NUFIP1: variants seen among roughly 807,000 people sequenced by gnomAD.
NUFIP1 encodes FMR1-interacting protein NUFIP1.
NUFIP1 carries 38 observed loss-of-function variants against 56.2 expected under a neutral mutation model. The ratio of observed to expected loss-of-function variants is 0.68; its 90% confidence interval spans 0.52 to 0.89. NUFIP1 has a LOEUF of 0.89. Among genes scored for constraint, NUFIP1 ranks in the 40% least tolerant of loss-of-function variants. The pLI, the probability that NUFIP1 is intolerant of heterozygous loss-of-function variation, is 0.00. For synonymous variants in NUFIP1, 215 were observed against 212.4 expected, an observed-to-expected ratio of 1.01 and a Z score of -0.10; for missense variants, 567 against 605.8, an observed-to-expected ratio of 0.94 and a Z score of 0.67.
intron 7 of NUFIP1, among the ~76,000 whole-genome samples, 178 bp from the exon 8 acceptor site, chr13:44,950,016 C>A (rs1871037617): frequency 6.6e-6 from 1 of 152,084 alleles, no homozygotes; most frequent in Non-Finnish European, 1.5e-5. Context: ...CTTCATGGGC[C>A]AAGAAACCAT....
chr13:44,974,974 G>A (rs1871921256), intron 5 of NUFIP1, among the ~76,000 whole-genome samples: 3 of 152,174 alleles, frequency 2.0e-5, no homozygotes, highest in Admixed American at 2.0e-4. Context: ...CCCTGTGTAT[G>A]TCTCAACATC....
At chr13:44,946,180 T>C (rs935759059) in intron 8 of NUFIP1, among the ~76,000 whole-genome samples, 51 of 152,168 alleles carry the variant, frequency 3.4e-4, no homozygotes, top group African/African-American at 1.1e-3. Context: ...GAGCTTATAA[T>C]TGTCAATTTT....
chr13:44,971,788 G>A (rs1007074284), intron 5 of NUFIP1, among the ~76,000 whole-genome samples: 1 of 152,164 alleles, frequency 6.6e-6, no homozygotes, highest in African/African-American at 2.4e-5. Context: ...CTATTCTGTG[G>A]CTTAATATTT....
intron 3 of NUFIP1, 114 bp from the exon 4 acceptor site, chr13:44,980,066 G>A: frequency 1.4e-6 from 1 of 698,148 alleles, no homozygotes; most frequent in Non-Finnish European, 2.3e-6. Flanking sequence ...TATCCCATCT[G>A]TATAGTATTA....
intron 2 of NUFIP1, among the ~76,000 whole-genome samples, 200 bp downstream of exon 2, chr13:44,981,872 G>T (rs1183959230): frequency 6.6e-6 from 1 of 151,424 alleles, no homozygotes; most frequent in East Asian, 1.9e-4. Flanking sequence ...CCACAGAAAA[G>T]AAACAAAAAT....
intron 1 of NUFIP1, among the ~76,000 whole-genome samples, chr13:44,984,718 T>A (rs1872321243): frequency 6.6e-6 from 1 of 152,142 alleles, no homozygotes; most frequent in African/African-American, 2.4e-5. Flanking sequence ...AATTTTTTTT[T>A]ATTATTATAC....
At chr13:44,970,794 C>T (rs910132976) in intron 5 of NUFIP1, among the ~76,000 whole-genome samples, 8 of 152,122 alleles carry the variant, frequency 5.3e-5, no homozygotes, top group East Asian at 1.9e-4. Context: ...CCTGCCTCAG[C>T]CTCCCAAGTA....
chr13:44,971,826 G>A (rs995963390), intron 5 of NUFIP1, among the ~76,000 whole-genome samples: 1 of 152,166 alleles, frequency 6.6e-6, no homozygotes, highest in African/African-American at 2.4e-5. Flanking sequence ...CTGGTGACAG[G>A]CAAGAGGAGA....
chr13:44,963,527 T>A (rs375359130), intron 6 of NUFIP1, among the ~76,000 whole-genome samples: 1 of 152,172 alleles, frequency 6.6e-6, no homozygotes, highest in African/African-American at 2.4e-5. Context: ...TTGATAGATA[T>A]CCTTTATTAG....
intron 8 of NUFIP1, among the ~76,000 whole-genome samples, chr13:44,949,473 T>C (rs1281319869): frequency 1.3e-5 from 2 of 152,138 alleles, no homozygotes; most frequent in African/African-American, 4.8e-5. Context: ...AGTGCTGGGA[T>C]TACAGGCGTG....
At chr13:44,956,177 A>G (rs1191585626) in intron 7 of NUFIP1, among the ~76,000 whole-genome samples, 1 of 150,676 alleles carries the variant, frequency 6.6e-6, no homozygotes, top group East Asian at 1.9e-4. Flanking sequence ...CTCATATTTT[A>G]AGGAAGTTTA....
At chr13:44,950,452 T>C (rs1200140089) in intron 7 of NUFIP1, among the ~76,000 whole-genome samples, 1 of 152,116 alleles carries the variant, frequency 6.6e-6, no homozygotes, top group Non-Finnish European at 1.5e-5. Flanking sequence ...CCCAAGCAAT[T>C]ATCTTACCTG....
At chr13:44,979,307 A>G in intron 4 of NUFIP1, 41 bp from the exon 5 acceptor site, 13 of 1,531,096 alleles carry the variant, frequency 8.5e-6, no homozygotes, top group Non-Finnish European at 1.2e-5. Flanking sequence ...AGGCAATATC[A>G]TATGCTTTTG....
At chr13:44,941,968 T>A (rs1356736253) in intron 9 of NUFIP1, among the ~76,000 whole-genome samples, 2 of 149,920 alleles carry the variant, frequency 1.3e-5, no homozygotes, top group Non-Finnish European at 3.0e-5. Flanking sequence ...AGTGCAATCA[T>A]GCGATCTCAG....
At position 44,939,728 on chromosome 13, in the gene NUFIP1, CT is replaced by C. The variant is rs568331171; in HGVS notation, c.*1477del. On this transcript the variant is annotated 3_prime_UTR_variant, in exon 10 of 10. Coordinates refer to ENST00000379161, the MANE Select transcript of NUFIP1 (RefSeq NM_012345.3). ...GGAGTACTCAGGAGTATTTTCAGTCCTAAATACATTTATTATCAGGAAACAA... is the reference window on the plus strand; with the variant it reads ...GGAGTACTCAGGAGTATTTTCAGTCCAAATACATTTATTATCAGGAAACAA... 3.9e-5 allele frequency: 6 copies of C among 152,056 alleles called. No individual in the cohort carries two copies. Among genetic ancestry groups the C allele is most frequent in the Non-Finnish European group, 7.4e-5 (5 of 68,010 alleles). 9.4% of individuals were successfully genotyped at this position (152,056 alleles called of 1,614,324 possible). A position where few individuals can be genotyped will look rare whatever the true frequency, so the allele number is the denominator to read the frequency against.
chr13:44,971,007 G>A (rs1184750508), intron 5 of NUFIP1, among the ~76,000 whole-genome samples: 1 of 152,064 alleles, frequency 6.6e-6, no homozygotes, highest in African/African-American at 2.4e-5. Flanking sequence ...TGCTAGTGGG[G>A]ATAGTATTTA....
chr13:44,970,059 C>T (rs146196496), intron 5 of NUFIP1, among the ~76,000 whole-genome samples: 30 of 152,296 alleles, frequency 2.0e-4, no homozygotes, highest in African/African-American at 7.2e-4. Context: ...AAAACTACTC[C>T]ACCTAGTGGA....
intron 5 of NUFIP1, among the ~76,000 whole-genome samples, chr13:44,971,926 T>C (rs569914817): frequency 6.6e-6 from 1 of 152,252 alleles, no homozygotes; most frequent in South Asian, 2.1e-4. Flanking sequence ...TTTTTTAACC[T>C]TGGGAAAATG....
intron 1 of NUFIP1, among the ~76,000 whole-genome samples, chr13:44,986,120 T>A (rs1872380532): frequency 6.6e-6 from 1 of 152,196 alleles, no homozygotes; most frequent in Admixed American, 6.5e-5. Flanking sequence ...CGTGTCTGGA[T>A]GAAAAGTTCT....
Sources: gnomAD v4.1 joint callset for allele counts (sites outside exome capture counted in the v4.1 genomes callset) on GRCh38, gnomAD v4.1.1 for gene constraint, MANE v1.5 for transcripts, NCBI Gene and HGNC (gene_info 2026-07-23, HGNC 2026-07-21) for gene names.